RASGRP1: variants seen among roughly 807,000 people sequenced by gnomAD.
RASGRP1 encodes RAS guanyl releasing protein 1, also known as RAS guanyl-releasing protein 1.
Under a neutral mutation model 95.1 loss-of-function variants are expected in RASGRP1, and 37 were observed. That is an observed-to-expected ratio of 0.39 (90% CI 0.30 to 0.51). The LOEUF (loss-of-function observed/expected upper bound fraction) is 0.51. RASGRP1 is among the 20% of genes least tolerant of loss of function. RASGRP1 has a pLI of 0.80. For missense variants in RASGRP1, 711 were observed against 965.4 expected (o/e 0.74, Z 3.49); for synonymous variants, 325 against 353.4 (o/e 0.92, Z 0.90).
chr15:38,498,151 T>C (rs1339682034), intron 15 of RASGRP1, among the ~76,000 whole-genome samples: 1 of 152,184 alleles, frequency 6.6e-6, no homozygotes, highest in Non-Finnish European at 1.5e-5. Flanking sequence ...TTTTTAAGCA[T>C]TGGATTTTTC....
At chr15:38,503,426 A>C in intron 10 of RASGRP1, 50 bp from the exon 11 acceptor site, 1 of 1,325,786 alleles carries the variant, frequency 7.5e-7, no homozygotes, top group East Asian at 2.5e-5. Flanking sequence ...GCAATATTAT[A>C]ACCTATAGCT....
chr15:38,512,964 A>G lies in RASGRP1; in HGVS notation c.676-8T>C. 6.6e-7 allele frequency: 1 copy of G among 1,506,556 alleles called. No individual in the cohort carries two copies. The highest frequency in any genetic ancestry group is 8.8e-7 in the Non-Finnish European group (1 of 1,130,636). The allele number at this position is 1,506,556 out of a possible 1,614,324, so 93.3% of individuals were successfully genotyped here. ...ATTCTGATAATCAGAGAACTGCAGG[A>G]AAAGAAACAACAACAACAAAAAAAA... On this transcript the variant is annotated splice_polypyrimidine_tract_variant and splice_region_variant and intron_variant, in intron 6 of 16. Coordinates refer to ENST00000310803, the MANE Select transcript of RASGRP1 (RefSeq NM_005739.4).
At position 38,503,009 on chromosome 15, in the gene RASGRP1, T is replaced by A. The variant is rs138055192; in HGVS notation, c.1428+263A>T. 8.3e-4 allele frequency: 431 copies of A among 518,114 alleles called. 1 individual carries two copies. Among genetic ancestry groups the A allele is most frequent in the African/African-American group, 7.7e-3 (404 of 52,572 alleles). The allele number at this position is 518,114 out of a possible 1,614,324, so 32.1% of individuals were successfully genotyped here. A position where few individuals can be genotyped will look rare whatever the true frequency, so the allele number is the denominator to read the frequency against. ...ACTCAAATGCATCCCAATACTTCTGTACTCCTAAATCAACTGACAACCTTT... is the reference window on the plus strand; with the variant it reads ...ACTCAAATGCATCCCAATACTTCTGAACTCCTAAATCAACTGACAACCTTT... On this transcript the variant is annotated intron_variant, in intron 11 of 16. Coordinates refer to ENST00000310803, the MANE Select transcript of RASGRP1 (RefSeq NM_005739.4).
chr15:38,564,573 G>A (rs760599444), intron 1 of RASGRP1, 21 bp downstream of exon 1: 122 of 1,370,086 alleles, frequency 8.9e-5, no homozygotes, highest in Non-Finnish European at 1.0e-4. Context: ...GCTCCCGAGG[G>A]CCACGGCCGC....
At chr15:38,504,545 A>ATTGGAAGGTCTTTAACATCTTG (rs1891178346) in intron 10 of RASGRP1, 1 of 151,948 alleles carries the variant, frequency 6.6e-6, no homozygotes, top group Non-Finnish European at 1.5e-5. Flanking sequence ...TCCACATCTT[A>ATTGGAAGGTCTTTAACATCTTG]TCCTATTGGA....
chr15:38,550,248 AAAAAAAAAAAAGAAAAG>A (rs1228497110), intron 2 of RASGRP1, among the ~76,000 whole-genome samples: 3 of 151,260 alleles, frequency 2.0e-5, no homozygotes, highest in African/African-American at 7.3e-5. Flanking sequence ...TCGCCAAAAA[AAAAAAAAAAAAGAAAAG>A]AAAAGAAAAA....
chr15:38,501,329 C>CA (rs367633271), intron 12 of RASGRP1, 42 bp from the exon 13 acceptor site: 1 of 1,607,452 alleles, frequency 6.2e-7, no homozygotes, highest in African/African-American at 1.3e-5. Context: ...GTATAAGGGG[C>CA]ATGGAGGCAG....
At chr15:38,517,778 G>A (rs897719460) in intron 5 of RASGRP1, among the ~76,000 whole-genome samples, 2 of 152,144 alleles carry the variant, frequency 1.3e-5, no homozygotes, top group African/African-American at 4.8e-5. Flanking sequence ...CATTTTCCCA[G>A]AATGGGTCAG....
intron 2 of RASGRP1, among the ~76,000 whole-genome samples, chr15:38,545,218 A>G (rs1893063072): frequency 6.6e-6 from 1 of 152,138 alleles, no homozygotes; most frequent in Non-Finnish European, 1.5e-5. Context: ...CACAGATGTT[A>G]TTTCTGTATA....
Position 38,494,705 on chromosome 15 carries a change from T to TA in RASGRP1, c.1935dup (p.Lys646Ter). Reference sequence around the variant, plus strand: ...CCCATCAGCATGATGGTCCGATCCTTACTCTCCTCACCATGTTCCACAGCC... The same window carrying TA: ...CCCATCAGCATGATGGTCCGATCCTTAACTCTCCTCACCATGTTCCACAGCC... On this transcript the variant is annotated frameshift_variant, in exon 16 of 17. Coordinates refer to ENST00000310803, the MANE Select transcript of RASGRP1 (RefSeq NM_005739.4). LOFTEE classifies it high-confidence loss of function. 6.6e-7 allele frequency: 1 copy of TA among 1,524,668 alleles called. No individual in the cohort carries two copies. The highest frequency in any genetic ancestry group is 8.8e-7 in the Non-Finnish European group (1 of 1,140,378). 94.4% of individuals were successfully genotyped at this position (1,524,668 alleles called of 1,614,324 possible).
chr15:38,524,703 A>T (rs1443194674), intron 3 of RASGRP1, among the ~76,000 whole-genome samples: 2 of 152,188 alleles, frequency 1.3e-5, no homozygotes, highest in East Asian at 3.8e-4. Flanking sequence ...AGACGCTTTC[A>T]CATCAAATTT....
At chr15:38,500,015 T>C in intron 14 of RASGRP1, 88 bp downstream of exon 14, 1 of 1,372,906 alleles carries the variant, frequency 7.3e-7, no homozygotes, top group Non-Finnish European at 1.0e-6. Context: ...CTCTTGCCTT[T>C]ATAAATTACC....
chr15:38,512,639 G>T, intron 7 of RASGRP1, 144 bp downstream of exon 7: 1 of 957,688 alleles, frequency 1.0e-6, no homozygotes, highest in East Asian at 2.6e-5. Context: ...ATCTAGATCT[G>T]GTTGAAGGCA....
At position 38,500,093 on chromosome 15, in the gene RASGRP1, TGA is replaced by T; in HGVS notation, c.1720+8_1720+9del. 6.2e-7 allele frequency: 1 copy of T among 1,612,340 alleles called. No individual in the cohort carries two copies. The highest frequency in any genetic ancestry group is 1.7e-5 in the Admixed American group (1 of 60,018). ...TACACCAGGAATATGTCAACAATAT[TGA>T]GTCTTACCTTTACATCGATATCCTT... is the stretch of plus-strand genomic sequence containing the variant. On this transcript the variant is annotated splice_region_variant and intron_variant, in intron 14 of 16. Coordinates refer to ENST00000310803, the MANE Select transcript of RASGRP1 (RefSeq NM_005739.4).
intron 3 of RASGRP1, among the ~76,000 whole-genome samples, chr15:38,523,409 G>A (rs574294837): frequency 2.8e-4 from 43 of 152,206 alleles, no homozygotes; most frequent in Admixed American, 5.9e-4. Flanking sequence ...ACAGAAAGAA[G>A]CTTACAGAAG....
At chr15:38,537,326 C>A (rs1003938663) in intron 2 of RASGRP1, among the ~76,000 whole-genome samples, 5 of 152,148 alleles carry the variant, frequency 3.3e-5, no homozygotes, top group African/African-American at 1.2e-4. Flanking sequence ...GCAGCATTTG[C>A]TTCTGGGAAG....
intron 8 of RASGRP1, 110 bp downstream of exon 8, chr15:38,511,494 C>G (rs771030330): frequency 1.3e-6 from 1 of 780,262 alleles, no homozygotes. Flanking sequence ...GCCTGGTTGA[C>G]AAGGGATGGT....
intron 4 of RASGRP1, 66 bp downstream of exon 4, chr15:38,519,243 G>A: frequency 2.2e-6 from 3 of 1,366,590 alleles, no homozygotes; most frequent in Middle Eastern, 1.8e-4. Context: ...GGCAGGGAAA[G>A]TCCCTTGCTT....
rs370876744 is a variant in RASGRP1 at position 38,557,161 on chromosome 15, G to A, written c.220+2660C>T. Reference sequence around the variant, plus strand: ...CAGATGACCTCTTAAAGAGACCTACGGAAGCACAGGCATATATTTTGCTAT... The same window carrying A: ...CAGATGACCTCTTAAAGAGACCTACAGAAGCACAGGCATATATTTTGCTAT... On this transcript the variant is annotated intron_variant, in intron 2 of 16. Coordinates refer to ENST00000310803, the MANE Select transcript of RASGRP1 (RefSeq NM_005739.4). 2.6e-4 allele frequency among the ~76,000 whole-genome samples: 40 copies of A among 152,232 alleles called. No individual in the cohort carries two copies. In the South Asian group the frequency reaches 7.3e-3, roughly 28 times the overall value.
Sources: gnomAD v4.1 joint callset for allele counts (sites outside exome capture counted in the v4.1 genomes callset) on GRCh38, gnomAD v4.1.1 for gene constraint, MANE v1.5 for transcripts, NCBI Gene and HGNC (gene_info 2026-07-23, HGNC 2026-07-21) for gene names.